HLTF: variants seen among roughly 807,000 people sequenced by gnomAD.
The protein encoded by HLTF is DNA-dependent ATPase/E3 ubiquitin-protein ligase HLTF.
A neutral mutation model predicts 129.4 loss-of-function variants in HLTF; 127 were observed. The observed-to-expected ratio is 0.98, with a 90% confidence interval of 0.85 to 1.14. HLTF has a LOEUF of 1.14. Among genes scored for constraint, HLTF ranks in the 50% most tolerant of loss-of-function variants. The pLI is 0.00. For missense variants in HLTF, 1,139 were observed against 1,187.1 expected, an observed-to-expected ratio of 0.96 and a Z score of 0.60; for synonymous variants, 332 against 388.8, an observed-to-expected ratio of 0.85 and a Z score of 1.72.
Position 149,039,173 on chromosome 3 carries a change from A to G in HLTF, c.2672T>C (p.Val891Ala). The G allele has an allele frequency of 1.9e-6, 3 of 1,610,422 alleles. No individual in the cohort carries two copies. The highest frequency in any genetic ancestry group is 2.2e-5 in the East Asian group (1 of 44,664). The change falls in exon 23 of 25, where the codon GTT becomes GCT. Residue 891 changes from valine (V) to alanine (A), a missense_variant. Coordinates refer to ENST00000310053, the MANE Select transcript of HLTF (RefSeq NM_003071.4). Reference sequence around the variant, plus strand: ...GTTTTGAAAACACTGAATTGATTCAACTCTTTTCTTTTGGGCCATGGAACC... The same window carrying G: ...GTTTTGAAAACACTGAATTGATTCAGCTCTTTTCTTTTGGGCCATGGAACC... The part of the protein sequence containing the change: ...LDGSMAQKKR[V>A]ESIQCFQNTE...
chr3:149,037,686 G>A (rs1466524034), intron 23 of HLTF, among the ~76,000 whole-genome samples: 1 of 152,114 alleles, frequency 6.6e-6, no homozygotes, highest in Non-Finnish European at 1.5e-5. Flanking sequence ...ATTCCTACAT[G>A]TATCTCAGTA....
At chr3:149,062,629 T>C (rs1341792539) in intron 10 of HLTF, among the ~76,000 whole-genome samples, 1 of 152,210 alleles carries the variant, frequency 6.6e-6, no homozygotes, top group Non-Finnish European at 1.5e-5. Flanking sequence ...ATTACATCTT[T>C]TATTCAAATT....
At position 149,039,236 on chromosome 3, in the gene HLTF, G is replaced by T. The variant is rs749969364; in HGVS notation, c.2616-7C>A. 44 of 1,511,220 alleles carry T rather than the reference G, an allele frequency of 2.9e-5. No individual in the cohort carries two copies. In the African/African-American group the frequency reaches 4.5e-4, roughly 16 times the overall value. The allele number at this position is 1,511,220 out of a possible 1,614,324, so 93.6% of individuals were successfully genotyped here. On this transcript the variant is annotated splice_region_variant and splice_polypyrimidine_tract_variant and intron_variant, in intron 22 of 24. Coordinates refer to ENST00000310053, the MANE Select transcript of HLTF (RefSeq NM_003071.4). ...AAACACAAATCCAGAGGCTCTAAAGGGGGGAAGAAAAGAGACAAGTAACAA... is the reference window on the plus strand; with the variant it reads ...AAACACAAATCCAGAGGCTCTAAAGTGGGGAAGAAAAGAGACAAGTAACAA...
chr3:149,044,976 G>A (rs1015733685), intron 18 of HLTF, among the ~76,000 whole-genome samples: 98 of 152,100 alleles, frequency 6.4e-4, no homozygotes, highest in African/African-American at 2.1e-3. Flanking sequence ...CAGCCAGAGT[G>A]ATCTTTTAAA....
chr3:149,076,880 T>A lies in HLTF; in HGVS notation c.229-833A>T, dbSNP rs558257120. Among the ~76,000 whole-genome samples the A allele has an allele frequency of 2.0e-5, 3 of 152,206 alleles. No individual in the cohort carries two copies. In the South Asian group the frequency reaches 6.2e-4, roughly 32 times the overall value. On this transcript the variant is annotated intron_variant, in intron 2 of 24. Transcript: ENST00000310053. The stretch of plus-strand genomic sequence containing the variant: ...AATCAAAGGCTTGCAGAAATCTGGG[T>A]AACATTTATTCAAGAATAAAAAGAA...
chr3:149,047,094 C>T (rs1716608232), intron 17 of HLTF, among the ~76,000 whole-genome samples: 1 of 152,202 alleles, frequency 6.6e-6, no homozygotes, highest in African/African-American at 2.4e-5. Context: ...AATCTCTTCT[C>T]TATTTCATTG....
At chr3:149,084,612 C>A (rs1214681021) in intron 2 of HLTF, 70 bp downstream of exon 2, 23 of 1,110,104 alleles carry the variant, frequency 2.1e-5, no homozygotes, top group Non-Finnish European at 2.9e-5. Context: ...ACATCACCTG[C>A]GAATTCTCTT....
intron 1 of HLTF, 23 bp from the exon 2 acceptor site, chr3:149,084,912 A>T: frequency 6.6e-7 from 1 of 1,524,342 alleles, no homozygotes; most frequent in Non-Finnish European, 9.1e-7. Context: ...AAAGGCAAAG[A>T]AAAACAATAT....
At chr3:149,080,380 T>C (rs1398252955) in intron 2 of HLTF, among the ~76,000 whole-genome samples, 3 of 147,090 alleles carry the variant, frequency 2.0e-5, no homozygotes, top group East Asian at 3.9e-4. Context: ...CTTGAAAATA[T>C]ACAAGAAAGC....
chr3:149,066,270 T>TCCTAACCTCAGGTGATCTGCCCG (rs1361591132), intron 8 of HLTF, among the ~76,000 whole-genome samples: 14 of 152,274 alleles, frequency 9.2e-5, no homozygotes, highest in Admixed American at 3.9e-4. Flanking sequence ...GGTCTTGAAC[T>TCCTAACCTCAGGTGATCTGCCCG]CCTAACCTCA....
At chr3:149,073,726 G>T (rs532809844) in intron 4 of HLTF, among the ~76,000 whole-genome samples, 212 of 152,064 alleles carry the variant, frequency 1.4e-3, no homozygotes, top group African/African-American at 4.8e-3. Flanking sequence ...TAAATAAAAC[G>T]TGCATAACAA....
At chr3:149,046,293 T>C in intron 17 of HLTF, 34 bp from the exon 18 acceptor site, 1 of 1,167,192 alleles carries the variant, frequency 8.6e-7, no homozygotes, top group Non-Finnish European at 1.2e-6. Flanking sequence ...TATGTAACTT[T>C]TAATTTCTAC....
chr3:149,080,207 T>C (rs1719753393), intron 2 of HLTF, among the ~76,000 whole-genome samples: 1 of 151,908 alleles, frequency 6.6e-6, no homozygotes, highest in South Asian at 2.1e-4. Flanking sequence ...ATAATGGGAG[T>C]GACTACAAAT....
Position 149,086,313 on chromosome 3 carries a change from T to C in HLTF, c.20+4A>G, listed in dbSNP as rs1212571412. The C allele has an allele frequency of 1.2e-6, 2 of 1,603,254 alleles. No homozygotes were observed. The highest frequency in any genetic ancestry group is 2.7e-5 in the African/African-American group (2 of 74,680). ...GAGCGCCCCACCCCCTCCGCCCCCT[T>C]CACCTCTTGAACATCCAGGACATGG... On this transcript the variant is annotated splice_donor_region_variant and intron_variant, in intron 1 of 24. Transcript: ENST00000310053.
At position 149,041,536 on chromosome 3, in the gene HLTF, T is replaced by C. The variant is rs765375275; in HGVS notation, c.2330A>G (p.His777Arg). 6.2e-6 allele frequency: 10 copies of C among 1,613,378 alleles called. No individual in the cohort carries two copies. Among genetic ancestry groups the C allele is most frequent in the Non-Finnish European group, 8.5e-6 (10 of 1,179,518 alleles). Residue 777 changes from histidine (H) to arginine (R), a missense_variant, in exon 20 of 25, where the codon CAT becomes CGT. Coordinates refer to ENST00000310053, the MANE Select transcript of HLTF (RefSeq NM_003071.4). The stretch of plus-strand genomic sequence containing the variant: ...GCAAATACAGGGTTTACAAAATACA[T>C]GTGCACAATGTGTTATCACAGGAAC... ...LTVPVITHCAHVFCKPCICQV... is the reference protein window; with the variant it reads ...LTVPVITHCARVFCKPCICQV...
At chr3:149,032,479 C>G in intron 24 of HLTF, 107 bp from the exon 25 acceptor site, 2 of 626,808 alleles carry the variant, frequency 3.2e-6, no homozygotes. Context: ...ACCGCAATTA[C>G]TTTTGCACCA....
chr3:149,069,472 G>GA (rs36037300), intron 7 of HLTF, among the ~76,000 whole-genome samples: 19,246 of 122,598 alleles, frequency 0.16, 2,793 homozygotes, highest in African/African-American at 0.39. Context: ...TCCATCTCAA[G>GA]AAAAAAAAAA....
At chr3:149,040,645 TAATAA>T (rs1183903283) in intron 20 of HLTF, among the ~76,000 whole-genome samples, 17 of 152,088 alleles carry the variant, frequency 1.1e-4, no homozygotes, top group African/African-American at 2.4e-5. Flanking sequence ...TTGAACCTGT[TAATAA>T]AATAAGATTA....
Position 149,031,158 on chromosome 3 carries a change from TAAAAA to T in HLTF, c.*1057_*1061del, listed in dbSNP as rs574784654. ...ATAAGTTTGCTTATTAACAAAAAAGTAAAAAAAAAAGAAAAGAAAAAAGATGACTA... is the reference window on the plus strand; with the variant it reads ...ATAAGTTTGCTTATTAACAAAAAAGTAAAAAGAAAAGAAAAAAGATGACTA... On this transcript the variant is annotated 3_prime_UTR_variant, in exon 25 of 25. Coordinates refer to ENST00000310053, the MANE Select transcript of HLTF (RefSeq NM_003071.4). The T allele has an allele frequency of 1.4e-5, 2 of 145,120 alleles. No homozygotes were observed. The highest frequency in any genetic ancestry group is 2.5e-5 in the African/African-American group (1 of 39,410). The allele number at this position is 145,120 out of a possible 1,614,324, so 9.0% of individuals were successfully genotyped here.
Sources: allele counts gnomAD v4.1 joint callset (sites outside exome capture counted in the v4.1 genomes callset), GRCh38; gene constraint gnomAD v4.1.1; transcripts MANE v1.5; gene names NCBI Gene and HGNC (gene_info 2026-07-23, HGNC 2026-07-21).